The following CPS1 variants were observed in gnomAD, a reference collection of about 807,000 sequenced individuals.
CPS1 encodes the protein carbamoyl-phosphate synthase 1.
In CPS1, 109 loss-of-function variants were observed where a neutral mutation model predicts 174.6. The observed-to-expected ratio is 0.62, with a 90% CI of 0.53 to 0.73. The LOEUF (loss-of-function observed/expected upper bound fraction) is 0.73, where lower values mean the gene tolerates loss of function less well. CPS1 is among the 30% of genes least tolerant of loss of function. The probability of loss-of-function intolerance (pLI) is 0.00; values close to 1 mark genes in which losing one functional copy is unlikely to be tolerated. For missense variants in CPS1, 1,689 were observed against 1,821.9 expected, an observed-to-expected ratio of 0.93 and a Z score of 1.33; for synonymous variants, 637 against 632.0, an observed-to-expected ratio of 1.01 and a Z score of -0.12.
intron 1 of CPS1, among the ~76,000 whole-genome samples, chr2:210,526,595 C>A (rs2544312): frequency 0.42 from 63,792 of 151,560 alleles, 13,670 homozygotes; most frequent in Middle Eastern, 0.53. Context: ...GCATAGTAGA[C>A]TTCAAAGACA....
chr2:210,614,899 G>A (rs571090453), intron 20 of CPS1, among the ~76,000 whole-genome samples: 1 of 151,806 alleles, frequency 6.6e-6, no homozygotes, highest in Non-Finnish European at 1.5e-5. Context: ...TGGGGAGGTA[G>A]GGGATGCATA....
In CPS1 at chr2:210,648,497, T is replaced by C. The variant is rs1700454345; in HGVS notation, c.3361T>C (p.Ser1121Pro). The change falls in exon 27 of 38, where the codon TCT becomes CCT. Residue 1121 changes from serine to proline, a missense_variant. Transcript: ENST00000233072. ...GAATGAAGCACTGGAATTTGCAAAG[T>C]CTGTGGACTACCCCTGCTTGTTGAG... ...TLNEALEFAK[S>P]VDYPCLLRPS... 1 of 1,613,534 alleles carries C rather than the reference T, an allele frequency of 6.2e-7. No individual in the cohort carries two copies. The highest frequency in any genetic ancestry group is 1.3e-5 in the African/African-American group (1 of 74,914).
intron 1 of CPS1, among the ~76,000 whole-genome samples, chr2:210,506,536 C>A (rs1424066391): frequency 6.6e-6 from 1 of 152,100 alleles, no homozygotes; most frequent in Non-Finnish European, 1.5e-5. Context: ...TGGAGAATGA[C>A]TCTGACGAGC....
chr2:210,593,332 AT>A (rs1479675058), intron 11 of CPS1: 4 of 1,131,390 alleles, frequency 3.5e-6, no homozygotes, highest in Non-Finnish European at 4.4e-6. Flanking sequence ...CTTCACAAAA[AT>A]CCCTATGGCA....
At chr2:210,482,125 T>C (rs1034510534) in intron 1 of CPS1, among the ~76,000 whole-genome samples, 12 of 152,218 alleles carry the variant, frequency 7.9e-5, no homozygotes, top group Non-Finnish European at 1.6e-4. Flanking sequence ...GGACAGGACT[T>C]GGCATTCAAG....
intron 21 of CPS1, among the ~76,000 whole-genome samples, chr2:210,630,556 A>G (rs899914758): frequency 6.6e-6 from 1 of 152,212 alleles, no homozygotes; most frequent in African/African-American, 2.4e-5. Context: ...TCACGTGAAC[A>G]TTGGATCTAG....
intron 21 of CPS1, among the ~76,000 whole-genome samples, chr2:210,628,676 T>C (rs1056161728): frequency 2.0e-5 from 3 of 152,002 alleles, no homozygotes; most frequent in African/African-American, 7.2e-5. Flanking sequence ...GGCAGGCGCC[T>C]GCAGTTCCAG....
chr2:210,667,022 C>T (rs960505805), intron 33 of CPS1, among the ~76,000 whole-genome samples: 2 of 152,146 alleles, frequency 1.3e-5, no homozygotes, highest in Admixed American at 6.5e-5. Flanking sequence ...GTTTGTAGTT[C>T]TCCTTGAAGA....
At chr2:210,580,252 T>A (rs2106087091) in intron 5 of CPS1, among the ~76,000 whole-genome samples, 1 of 152,274 alleles carries the variant, frequency 6.6e-6, no homozygotes, top group East Asian at 1.9e-4. Flanking sequence ...TTCATGAATG[T>A]GCCAAATAAG....
intron 6 of CPS1, among the ~76,000 whole-genome samples, chr2:210,585,204 T>C (rs1698065293): frequency 1.3e-5 from 2 of 152,044 alleles, no homozygotes; most frequent in South Asian, 4.1e-4. Context: ...TTTCACATAG[T>C]ACATGGTCAA....
At chr2:210,652,970 A>T (rs1700603764) in intron 28 of CPS1, among the ~76,000 whole-genome samples, 1 of 152,220 alleles carries the variant, frequency 6.6e-6, no homozygotes, top group East Asian at 1.9e-4. Context: ...GTTTACAGAT[A>T]CCAAAGGAAG....
chr2:210,616,715 A>G (rs1431034632), intron 21 of CPS1, among the ~76,000 whole-genome samples, 174 bp downstream of exon 21: 1 of 150,120 alleles, frequency 6.7e-6, no homozygotes, highest in African/African-American at 2.5e-5. Flanking sequence ...TTTTTTTTAG[A>G]TGTTTACCTT....
chr2:210,491,605 A>C (rs1156419635), intron 1 of CPS1, among the ~76,000 whole-genome samples: 8 of 151,966 alleles, frequency 5.3e-5, no homozygotes. Context: ...GAGCCACCGC[A>C]CCTGGACATG....
chr2:210,663,698 T>A (rs1032717084), intron 33 of CPS1, among the ~76,000 whole-genome samples: 1 of 152,208 alleles, frequency 6.6e-6, no homozygotes, highest in Non-Finnish European at 1.5e-5. Flanking sequence ...AAAACTATAA[T>A]GGAATCGGCC....
At chr2:210,677,825 C>A in intron 37 of CPS1, 62 bp from the exon 38 acceptor site, 2 of 1,292,570 alleles carry the variant, frequency 1.5e-6, no homozygotes, top group Non-Finnish European at 2.3e-6. Context: ...CTTTTGTCTT[C>A]ATTCATTAAA....
At chr2:210,643,975 T>C (rs968543548) in intron 25 of CPS1, among the ~76,000 whole-genome samples, 3 of 152,110 alleles carry the variant, frequency 2.0e-5, no homozygotes, top group Non-Finnish European at 4.4e-5. Flanking sequence ...ACAATAAAAC[T>C]AGTATCTGTG....
Position 210,602,285 on chromosome 2 carries a change from A to G in CPS1, c.1791A>G (p.Ser597=). 1.2e-6 allele frequency: 2 copies of G among 1,612,706 alleles called. No homozygotes were observed. The highest frequency in any genetic ancestry group is 8.5e-7 in the Non-Finnish European group (1 of 1,179,106). Residue 597 remains serine, a synonymous_variant, in exon 16 of 38, where the codon TCA becomes TCG. Transcript: ENST00000233072. ...RSAYALGGLG[S]GICPNRETLM... ...CCTATGCACTGGGTGGGTTAGGCTC[A>G]GGCATCTGTCCCAACAGAGAGACTT... is the stretch of plus-strand genomic sequence containing the variant.
intron 6 of CPS1, among the ~76,000 whole-genome samples, chr2:210,587,416 A>G (rs1331827361): frequency 6.6e-6 from 1 of 152,066 alleles, no homozygotes; most frequent in Non-Finnish European, 1.5e-5. Context: ...GTGAAAATAG[A>G]TCTGCCTCCC....
chr2:210,564,395 A>G (rs1264360159), intron 1 of CPS1, among the ~76,000 whole-genome samples: 1 of 149,844 alleles, frequency 6.7e-6, no homozygotes, highest in East Asian at 2.0e-4. Flanking sequence ...TTTTTTTTTG[A>G]GATGGAGTCT....
Sources: gnomAD v4.1 joint callset for allele counts (sites outside exome capture counted in the v4.1 genomes callset) on GRCh38, gnomAD v4.1.1 for gene constraint, MANE v1.5 for transcripts, NCBI Gene and HGNC (gene_info 2026-07-23, HGNC 2026-07-21) for gene names.